COLEC12: variants seen among roughly 807,000 people sequenced by gnomAD.
The protein encoded by COLEC12 is collectin subfamily member 12.
A neutral mutation model predicts 71.1 loss-of-function variants in COLEC12; 33 were observed. The ratio of observed to expected loss-of-function variants is 0.46; its 90% CI spans 0.35 to 0.62. The LOEUF (loss-of-function observed/expected upper bound fraction) is 0.62, where lower values mean the gene tolerates loss of function less well. Ranked by LOEUF, COLEC12 falls within the 20% of genes least tolerant of loss-of-function variation. The probability of loss-of-function intolerance (pLI) is 0.00; values close to 1 mark genes in which losing one functional copy is unlikely to be tolerated. For synonymous variants in COLEC12, 350 were observed against 353.0 expected (o/e 0.99, Z 0.10); for missense variants, 765 against 916.1 (o/e 0.84, Z 2.13).
chr18:378,793 C>T (rs1915168876), intron 2 of COLEC12, among the ~76,000 whole-genome samples: 1 of 152,178 alleles, frequency 6.6e-6, no homozygotes, highest in South Asian at 2.1e-4. Flanking sequence ...CTTTTCCTTT[C>T]TATTCCTAGA....
At chr18:481,904 CT>C (rs923148159) in intron 1 of COLEC12, among the ~76,000 whole-genome samples, 86 of 149,894 alleles carry the variant, frequency 5.7e-4, no homozygotes, top group African/African-American at 1.6e-3. Flanking sequence ...CTAAAGGACA[CT>C]TTTTTTTTTC....
chr18:461,872 G>A (rs2846670), intron 2 of COLEC12, among the ~76,000 whole-genome samples: 121,492 of 152,090 alleles, frequency 0.8, 48,769 homozygotes, highest in East Asian at 0.99. Flanking sequence ...ACTTAGGGAA[G>A]GTGGAAGAAT....
chr18:454,746 C>T (rs1916832033), intron 2 of COLEC12, among the ~76,000 whole-genome samples: 1 of 152,168 alleles, frequency 6.6e-6, no homozygotes, highest in Admixed American at 6.6e-5. Context: ...TGTCCTCTCC[C>T]TAGCATTTAT....
intron 2 of COLEC12, among the ~76,000 whole-genome samples, chr18:389,453 T>G (rs1275014782): frequency 2.0e-5 from 3 of 152,002 alleles, no homozygotes; most frequent in African/African-American, 7.3e-5. Flanking sequence ...TAATTTTTTG[T>G]ATTTTTAGTA....
At chr18:357,830 T>C (rs1914661341) in intron 2 of COLEC12, among the ~76,000 whole-genome samples, 1 of 152,220 alleles carries the variant, frequency 6.6e-6, no homozygotes, top group Admixed American at 6.5e-5. Context: ...ATTTCATCAC[T>C]GTGTGAACAT....
At chr18:406,653 T>C (rs1044132107) in intron 2 of COLEC12, among the ~76,000 whole-genome samples, 6 of 152,356 alleles carry the variant, frequency 3.9e-5, no homozygotes, top group Middle Eastern at 3.4e-3. Context: ...CTCTGAATTC[T>C]TTCTTGTGTG....
intron 1 of COLEC12, among the ~76,000 whole-genome samples, chr18:493,856 A>C (rs951710010): frequency 6.6e-6 from 1 of 152,224 alleles, no homozygotes; most frequent in Non-Finnish European, 1.5e-5. Context: ...CCGAATACTT[A>C]TTTAGAGACA....
rs146663550 is a variant in COLEC12, at chr18:495,525, T to C, written c.7+4983A>G. 2.9e-3 allele frequency among the ~76,000 whole-genome samples: 444 copies of C among 152,316 alleles called. 2 individuals carry two copies. The highest frequency in any genetic ancestry group is 0.01 in the African/African-American group (423 of 41,568). The stretch of plus-strand genomic sequence containing the variant: ...GCGGTAAGCAAAACCTCCCAGAAGA[T>C]AAGCTACACAGGGAAGCAATCCTGA... On this transcript the variant is annotated intron_variant, in intron 1 of 9. Coordinates refer to ENST00000400256, the MANE Select transcript of COLEC12 (RefSeq NM_130386.3).
intron 2 of COLEC12, among the ~76,000 whole-genome samples, chr18:453,240 C>T (rs1404219876): frequency 1.3e-5 from 2 of 152,126 alleles, no homozygotes; most frequent in Non-Finnish European, 2.9e-5. Flanking sequence ...AAGATAGGAA[C>T]GTGCTAGGAG....
chr18:454,413 G>A (rs902877159), intron 2 of COLEC12, among the ~76,000 whole-genome samples: 2 of 152,170 alleles, frequency 1.3e-5, no homozygotes, highest in African/African-American at 4.8e-5. Context: ...CGGGCATGGT[G>A]GCTCACACCT....
chr18:476,641 G>A (rs536999527), intron 2 of COLEC12, among the ~76,000 whole-genome samples: 1 of 152,352 alleles, frequency 6.6e-6, no homozygotes, highest in South Asian at 2.1e-4. Context: ...CCCAGGCCAT[G>A]CAGGTGGTGC....
intron 3 of COLEC12, among the ~76,000 whole-genome samples, chr18:356,925 G>A (rs1914639284): frequency 1.3e-5 from 2 of 152,162 alleles, no homozygotes; most frequent in Admixed American, 6.5e-5. Flanking sequence ...AAACAACAGT[G>A]ACCACAGTGA....
chr18:347,106 C>T lies in COLEC12; in HGVS notation c.516G>A (p.Gln172=). ...GATTCGTGACATAGCCATTATACGC[C>T]TGGAGGGTTTTGTTTACAGTGGTGA... ...FLITTVNKTL[Q]AYNGYVTNLQ... Residue 172 remains glutamine, a synonymous_variant, in exon 5 of 10, where the codon CAG becomes CAA. Coordinates refer to ENST00000400256, the MANE Select transcript of COLEC12 (RefSeq NM_130386.3). The T allele has an allele frequency of 6.2e-7, 1 of 1,614,190 alleles. No homozygotes were observed. The highest frequency in any genetic ancestry group is 1.1e-5 in the South Asian group (1 of 91,074).
At chr18:466,906 T>G (rs1917099172) in intron 2 of COLEC12, among the ~76,000 whole-genome samples, 1 of 152,084 alleles carries the variant, frequency 6.6e-6, no homozygotes, top group African/African-American at 2.4e-5. Flanking sequence ...AGCCCTGTTT[T>G]CCTCCCCTCC....
chr18:350,797 A>G (rs138848149), intron 3 of COLEC12, among the ~76,000 whole-genome samples: 9,811 of 151,964 alleles, frequency 0.065, 387 homozygotes, highest in South Asian at 0.11. Flanking sequence ...TTGTGGTGGT[A>G]CACGCCTGTA....
intron 1 of COLEC12, among the ~76,000 whole-genome samples, chr18:499,554 T>C (rs982324561): frequency 1.3e-5 from 2 of 152,186 alleles, no homozygotes; most frequent in South Asian, 2.1e-4. Flanking sequence ...CGCGGTCAGA[T>C]GGCATTTCGC....
At chr18:423,165 A>C (rs1032245864) in intron 2 of COLEC12, among the ~76,000 whole-genome samples, 4 of 152,126 alleles carry the variant, frequency 2.6e-5, no homozygotes, top group African/African-American at 9.7e-5. Flanking sequence ...GCTCCTTGGG[A>C]AGATGAGGTG....
intron 2 of COLEC12, among the ~76,000 whole-genome samples, chr18:477,061 T>C (rs1330121958): frequency 1.3e-5 from 2 of 152,178 alleles, no homozygotes; most frequent in Non-Finnish European, 2.9e-5. Flanking sequence ...CTGAACAAGC[T>C]TGGTATATGG....
chr18:472,626 CAGTGAT>C (rs1917220134), intron 2 of COLEC12, among the ~76,000 whole-genome samples: 1 of 137,338 alleles, frequency 7.3e-6, no homozygotes, highest in Non-Finnish European at 1.5e-5. Context: ...GTCAAGGCTG[CAGTGAT>C]GGCACCACTG....
Sources: gnomAD v4.1 joint callset for allele counts (sites outside exome capture counted in the v4.1 genomes callset) on GRCh38, gnomAD v4.1.1 for gene constraint, MANE v1.5 for transcripts, NCBI Gene and HGNC (gene_info 2026-07-23, HGNC 2026-07-21) for gene names.